The following MAP7D2 variants were observed in gnomAD, a reference collection of about 807,000 sequenced individuals.
MAP7D2 encodes MAP7 domain containing 2.
MAP7D2 carries 33 observed loss-of-function variants against 63.5 expected under a neutral mutation model. That is an observed-to-expected ratio of 0.52 (90% CI 0.39 to 0.70). The LOEUF (loss-of-function observed/expected upper bound fraction) is 0.70, where lower values mean the gene tolerates loss of function less well. Among genes scored for constraint, MAP7D2 ranks in the 30% least tolerant of loss-of-function variants. The pLI, the probability that MAP7D2 is intolerant of heterozygous loss-of-function variation, is 0.00. For missense variants in MAP7D2, 626 were observed against 604.0 expected (o/e 1.04, Z -0.38); for synonymous variants, 224 against 223.7 (o/e 1.00, Z -0.01).
intron 3 of MAP7D2, among the ~76,000 whole-genome samples, chrX:20,058,574 C>T (rs1182419033): frequency 2.7e-5 from 3 of 111,760 alleles, no homozygotes; most frequent in African/African-American, 9.8e-5. Flanking sequence ...TGCCCCTGGA[C>T]TTTTCAATGG....
chrX:20,106,909 G>C (rs1403615410), intron 1 of MAP7D2, among the ~76,000 whole-genome samples: 2 of 109,311 alleles, frequency 1.8e-5, no homozygotes, highest in Non-Finnish European at 3.8e-5. Context: ...TTGAGCCTGA[G>C]AGGTTGGGGC....
At chrX:20,024,549 C>A (rs1469218580) in intron 10 of MAP7D2, among the ~76,000 whole-genome samples, 1 of 111,948 alleles carries the variant, frequency 8.9e-6, no homozygotes, top group Non-Finnish European at 1.9e-5. Flanking sequence ...ACGGAGGAAA[C>A]AATTTGGAAA....
intron 1 of MAP7D2, among the ~76,000 whole-genome samples, chrX:20,077,177 G>A (rs1041502446): frequency 1.8e-5 from 2 of 111,943 alleles, no homozygotes; most frequent in Non-Finnish European, 3.8e-5. Context: ...AGTTCTAGCC[G>A]CGCACAGTGA....
chrX:20,070,089 T>C (rs2065463086), intron 1 of MAP7D2, among the ~76,000 whole-genome samples: 1 of 110,868 alleles, frequency 9.0e-6, no homozygotes, highest in African/African-American at 3.3e-5. Context: ...GCTGGGATTA[T>C]AGGCATGCGC....
rs771018661 is a variant in MAP7D2 at position 20,016,423 on chromosome X, A to AAC, written c.1413-100_1413-99dup. The AAC allele has an allele frequency of 3.1e-5, 21 of 684,470 alleles. No homozygotes were observed. In the South Asian group the frequency reaches 5.0e-4, roughly 16 times the overall value. The allele number at this position is 684,470 out of a possible 1,213,427, so 56.4% of individuals were successfully genotyped here. On this transcript the variant is annotated intron_variant, in intron 10 of 16. Transcript: ENST00000379643. Reference sequence around the variant, plus strand: ...AGCCGAGAATAATGCTCCACATGGTAACACACACACATACCTTTCAACGAG... The same window carrying AAC: ...AGCCGAGAATAATGCTCCACATGGTAACACACACACACATACCTTTCAACGAG...
chrX:20,076,605 G>T (rs1197062316), intron 1 of MAP7D2, among the ~76,000 whole-genome samples: 2 of 109,878 alleles, frequency 1.8e-5, no homozygotes, highest in Non-Finnish European at 1.9e-5. Flanking sequence ...GGAGGCTGAG[G>T]CAGGAGAATC....
At chrX:20,071,747 A>C (rs1327978003) in intron 1 of MAP7D2, among the ~76,000 whole-genome samples, 4 of 112,298 alleles carry the variant, frequency 3.6e-5, no homozygotes, top group African/African-American at 1.3e-4. Flanking sequence ...TACCTTTGCC[A>C]AGGTTGTTAC....
intron 1 of MAP7D2, among the ~76,000 whole-genome samples, chrX:20,083,741 A>C (rs1040298365): frequency 1.8e-5 from 2 of 111,779 alleles, no homozygotes; most frequent in Non-Finnish European, 3.8e-5. Flanking sequence ...CTTACATTCT[A>C]ATACTGTGGT....
intron 10 of MAP7D2, among the ~76,000 whole-genome samples, chrX:20,020,981 G>A (rs746306314): frequency 6.2e-5 from 7 of 112,026 alleles, no homozygotes; most frequent in South Asian, 3.7e-4. Flanking sequence ...AAGCCATTGC[G>A]TCTGGCTGGA....
At chrX:20,050,206 G>A (rs1260124479) in intron 6 of MAP7D2, among the ~76,000 whole-genome samples, 1 of 111,207 alleles carries the variant, frequency 9.0e-6, no homozygotes, top group Non-Finnish European at 1.9e-5. Context: ...TGATGGTCTG[G>A]TCCAGTGTTT....
At chrX:20,014,131 T>A (rs1257603070) in intron 12 of MAP7D2, among the ~76,000 whole-genome samples, 2 of 112,670 alleles carry the variant, frequency 1.8e-5, no homozygotes, top group Admixed American at 1.9e-4. Context: ...GTAAATGGAC[T>A]AAACACTCCA....
chrX:20,104,285 G>A (rs954510291), intron 1 of MAP7D2, among the ~76,000 whole-genome samples: 2 of 112,427 alleles, frequency 1.8e-5, no homozygotes, highest in Non-Finnish European at 3.8e-5. Context: ...CAATTAAAAT[G>A]CATAATTTTT....
intron 1 of MAP7D2, among the ~76,000 whole-genome samples, chrX:20,086,519 G>A (rs765169480): frequency 1.8e-5 from 2 of 111,699 alleles, no homozygotes; most frequent in Non-Finnish European, 1.9e-5. Context: ...TGAAGTTTTC[G>A]GCCCAGGAAG....
chrX:20,070,698 A>T (rs2065480950), intron 1 of MAP7D2, among the ~76,000 whole-genome samples: 1 of 111,507 alleles, frequency 9.0e-6, no homozygotes, highest in Non-Finnish European at 1.9e-5. Flanking sequence ...ATTAATTCCT[A>T]CAAAAAAATT....
chrX:20,089,419 T>C (rs1468108133), intron 1 of MAP7D2, among the ~76,000 whole-genome samples: 2 of 112,054 alleles, frequency 1.8e-5, no homozygotes, highest in African/African-American at 6.5e-5. Flanking sequence ...TGGGAAATAT[T>C]GTACTAGATT....
At chrX:20,116,469 C>T (rs912510904) in intron 1 of MAP7D2, 17 of 647,109 alleles carry the variant, frequency 2.6e-5, no homozygotes, top group Non-Finnish European at 3.0e-5. Context: ...CCCCCTCAGG[C>T]ACCTCCATCC....
intron 1 of MAP7D2, among the ~76,000 whole-genome samples, chrX:20,113,773 T>G (rs1472140259): frequency 9.0e-6 from 1 of 111,302 alleles, no homozygotes; most frequent in Non-Finnish European, 1.9e-5. Context: ...TATGAAATAA[T>G]CATATCATGC....
chrX:20,093,034 C>T (rs956206558), intron 1 of MAP7D2, among the ~76,000 whole-genome samples: 6 of 111,933 alleles, frequency 5.4e-5, no homozygotes, highest in Admixed American at 9.5e-5. Context: ...CCAGCTTCCA[C>T]CCAGTTCTCT....
chrX:20,075,482 T>C (rs899932550), intron 1 of MAP7D2, among the ~76,000 whole-genome samples: 1 of 109,653 alleles, frequency 9.1e-6, no homozygotes, highest in Non-Finnish European at 1.9e-5. Flanking sequence ...GAAAGAGAGA[T>C]GAGGGACTAG....
Sources: gnomAD v4.1 joint callset for allele counts (sites outside exome capture counted in the v4.1 genomes callset) on GRCh38, gnomAD v4.1.1 for gene constraint, MANE v1.5 for transcripts, NCBI Gene and HGNC (gene_info 2026-07-23, HGNC 2026-07-21) for gene names.